Variants in STK33 observed in about 807,000 individuals in gnomAD.
STK33 encodes serine/threonine kinase 33.
Under a neutral mutation model 58.0 loss-of-function variants are expected in STK33, and 52 were observed. That is an observed-to-expected ratio of 0.90 (90% CI 0.72 to 1.13). The LOEUF (loss-of-function observed/expected upper bound fraction) is 1.13. STK33 is among the 50% of genes most tolerant of loss of function. STK33 has a pLI of 0.00. For missense variants in STK33, 630 were observed against 604.2 expected, an observed-to-expected ratio of 1.04 and a Z score of -0.45; for synonymous variants, 215 against 200.1, an observed-to-expected ratio of 1.07 and a Z score of -0.63.
At chr11:8,396,574 G>T (rs1381644122) in intron 15 of STK33, among the ~76,000 whole-genome samples, 1 of 152,196 alleles carries the variant, frequency 6.6e-6, no homozygotes. Context: ...GGTGATTTCT[G>T]CATTTCCAAC....
intron 15 of STK33, among the ~76,000 whole-genome samples, chr11:8,408,166 T>C (rs955217818): frequency 1.3e-5 from 2 of 152,218 alleles, no homozygotes; most frequent in Non-Finnish European, 2.9e-5. Context: ...ATTATGTAGA[T>C]ATAATACATG....
At chr11:8,358,266 C>T in the STK33 span, among the ~76,000 whole-genome samples, 2 of 149,196 alleles carry the variant, frequency 1.3e-5, no homozygotes, top group Non-Finnish European at 3.0e-5. Context: ...CTGGGGGAGT[C>T]CCAGCTTGGG....
intron 1 of STK33, among the ~76,000 whole-genome samples, chr11:8,484,759 T>C (rs1319841537): frequency 6.6e-6 from 1 of 152,236 alleles, no homozygotes; most frequent in East Asian, 1.9e-4. Flanking sequence ...GAGGCATCTG[T>C]ATCCACAGAT....
chr11:8,533,182 C>A (rs1954687999), intron 1 of STK33, among the ~76,000 whole-genome samples: 1 of 152,234 alleles, frequency 6.6e-6, no homozygotes, highest in African/African-American at 2.4e-5. Context: ...CACATTAACA[C>A]CCTTTTCCCA....
At position 8,436,012 on chromosome 11, in the gene STK33, C is replaced by T. The variant is rs368086378; in HGVS notation, c.1060+15G>A. On this transcript the variant is annotated intron_variant, in intron 13 of 15. Coordinates refer to ENST00000687296, the MANE Select transcript of STK33 (RefSeq NM_001352389.2). ...TTATATTAGCTTTAGTAAATAATAACGCATCTATACTTACCACAGTCACTT... is the reference window on the plus strand; with the variant it reads ...TTATATTAGCTTTAGTAAATAATAATGCATCTATACTTACCACAGTCACTT... The T allele has an allele frequency of 2.0e-4, 276 of 1,397,764 alleles. 1 individual carries two copies. Among genetic ancestry groups the T allele is most frequent in the Non-Finnish European group, 2.5e-4 (256 of 1,039,348 alleles). The allele number at this position is 1,397,764 out of a possible 1,614,324, so 86.6% of individuals were successfully genotyped here. A position where few individuals can be genotyped will look rare whatever the true frequency, so the allele number is the denominator to read the frequency against.
the STK33 span, among the ~76,000 whole-genome samples, chr11:8,370,769 G>A: frequency 0.049 from 7,446 of 152,258 alleles, 246 homozygotes; most frequent in Non-Finnish European, 0.07. Flanking sequence ...AGCCACCCAA[G>A]GCACTGCCAA....
intron 3 of STK33, 111 bp downstream of exon 3, chr11:8,477,139 T>TACACACACATACACAC (rs1949351421): frequency 7.1e-6 from 1 of 141,158 alleles, no homozygotes; most frequent in Admixed American, 7.1e-5. Context: ...CCACTCAAAA[T>TACACACACATACACAC]ACACACACAC....
intron 14 of STK33, among the ~76,000 whole-genome samples, chr11:8,432,307 C>CCTT (rs1349543988): frequency 3.3e-5 from 5 of 152,036 alleles, no homozygotes; most frequent in Non-Finnish European, 7.4e-5. Context: ...TGAAGGAATA[C>CCTT]CAAGGCAATT....
intron 1 of STK33, among the ~76,000 whole-genome samples, chr11:8,504,188 A>C (rs531474572): frequency 3.3e-5 from 5 of 152,344 alleles, no homozygotes; most frequent in Admixed American, 2.6e-4. Flanking sequence ...GTCAAAGCTG[A>C]AAAACAGGAT....
At chr11:8,534,568 C>CTGTGTGTG (rs34999243) in intron 1 of STK33, among the ~76,000 whole-genome samples, 14 of 104,736 alleles carry the variant, frequency 1.3e-4, no homozygotes, top group South Asian at 1.0e-3. Context: ...CTCTCTCTCT[C>CTGTGTGTG]TGTGTGTGTG....
intron 15 of STK33, among the ~76,000 whole-genome samples, chr11:8,396,041 C>T (rs1483763505): frequency 6.6e-6 from 1 of 152,190 alleles, no homozygotes; most frequent in East Asian, 1.9e-4. Flanking sequence ...AAACAAATCA[C>T]AGTATTTGCT....
chr11:8,579,326 C>A (rs1261237991), intron 1 of STK33, among the ~76,000 whole-genome samples: 1 of 151,986 alleles, frequency 6.6e-6, no homozygotes, highest in African/African-American at 2.4e-5. Flanking sequence ...ACACTAAATA[C>A]CAAATGAAAT....
intron 14 of STK33, among the ~76,000 whole-genome samples, chr11:8,432,164 T>G (rs1409938520): frequency 6.6e-6 from 1 of 152,206 alleles, no homozygotes; most frequent in Non-Finnish European, 1.5e-5. Flanking sequence ...CAAACTACAT[T>G]ATGGCAAGAC....
At chr11:8,576,610 T>G (rs1400633275) in intron 1 of STK33, among the ~76,000 whole-genome samples, 1 of 148,246 alleles carries the variant, frequency 6.7e-6, no homozygotes, top group African/African-American at 2.7e-5. Context: ...ATTAAATACC[T>G]TTTTTGTGCC....
chr11:8,368,324 T>C, the STK33 span, among the ~76,000 whole-genome samples: 3 of 152,180 alleles, frequency 2.0e-5, no homozygotes, highest in Non-Finnish European at 4.4e-5. Flanking sequence ...AAAAACAAGA[T>C]ACCTGAAAGC....
chr11:8,524,435 A>C (rs1049541616), intron 1 of STK33, among the ~76,000 whole-genome samples: 1 of 152,232 alleles, frequency 6.6e-6, no homozygotes, highest in Non-Finnish European at 1.5e-5. Context: ...AAAAAATAAA[A>C]TAATCTGATT....
intron 1 of STK33, among the ~76,000 whole-genome samples, chr11:8,515,523 A>G (rs996884354): frequency 1.3e-5 from 2 of 152,206 alleles, no homozygotes; most frequent in Non-Finnish European, 2.9e-5. Flanking sequence ...AGATAAAGAT[A>G]CCACGAAAAA....
At chr11:8,538,049 A>G (rs1231896099) in intron 1 of STK33, among the ~76,000 whole-genome samples, 1 of 151,982 alleles carries the variant, frequency 6.6e-6, no homozygotes, top group Admixed American at 6.5e-5. Flanking sequence ...TTAGTTGGGC[A>G]TGGTGGTGTG....
the STK33 span, among the ~76,000 whole-genome samples, chr11:8,341,422 C>T: frequency 4.6e-5 from 7 of 152,226 alleles, no homozygotes; most frequent in Non-Finnish European, 1.0e-4. Context: ...CTCATTGACT[C>T]CCTGAAACCC....
Sources: gnomAD v4.1 joint callset for allele counts (sites outside exome capture counted in the v4.1 genomes callset) on GRCh38, gnomAD v4.1.1 for gene constraint, MANE v1.5 for transcripts, NCBI Gene and HGNC (gene_info 2026-07-23, HGNC 2026-07-21) for gene names.